SLC9A9: variants seen among roughly 807,000 people sequenced by gnomAD.
The protein encoded by SLC9A9 is sodium/hydrogen exchanger 9.
Under a neutral mutation model 77.8 loss-of-function variants are expected in SLC9A9, and 62 were observed. The ratio of observed to expected loss-of-function variants is 0.80; its 90% confidence interval spans 0.65 to 0.98. SLC9A9 has a LOEUF of 0.98. Among genes scored for constraint, SLC9A9 ranks in the 50% least tolerant of loss-of-function variants. The pLI, the probability that SLC9A9 is intolerant of heterozygous loss-of-function variation, is 0.00. For synonymous variants in SLC9A9, 320 were observed against 283.5 expected, an observed-to-expected ratio of 1.13 and a Z score of -1.29; for missense variants, 775 against 774.9, an observed-to-expected ratio of 1.00 and a Z score of 0.00.
At chr3:143,790,637 T>C (rs1444652571) in intron 4 of SLC9A9, among the ~76,000 whole-genome samples, 1 of 152,208 alleles carries the variant, frequency 6.6e-6, no homozygotes, top group Non-Finnish European at 1.5e-5. Flanking sequence ...TACCACTTAC[T>C]GTATAATCTT....
At position 143,597,122 on chromosome 3, in the gene SLC9A9, G is replaced by A. The variant is rs570321368; in HGVS notation, c.756-18399C>T. ...ATGTGCTTTGGTTAAGGAAAAGGCCGAGGCGGATATCCAGGCGAGTATGAG... is the reference window on the plus strand; with the variant it reads ...ATGTGCTTTGGTTAAGGAAAAGGCCAAGGCGGATATCCAGGCGAGTATGAG... On this transcript the variant is annotated intron_variant, in intron 6 of 15. Transcript: ENST00000316549. Among the ~76,000 whole-genome samples the A allele has an allele frequency of 8.5e-5, 13 of 152,320 alleles. No individual in the cohort carries two copies. In the South Asian group the frequency reaches 2.5e-3, roughly 29 times the overall value.
intron 1 of SLC9A9, among the ~76,000 whole-genome samples, chr3:143,846,985 A>G (rs2009844142): frequency 6.6e-6 from 1 of 152,160 alleles, no homozygotes; most frequent in Non-Finnish European, 1.5e-5. Context: ...ATGGATCAGC[A>G]TATCAGCCTC....
intron 9 of SLC9A9, among the ~76,000 whole-genome samples, chr3:143,497,970 T>C (rs181515560): frequency 6.6e-6 from 1 of 152,316 alleles, no homozygotes; most frequent in Non-Finnish European, 1.5e-5. Flanking sequence ...TGATTTTTTC[T>C]ATTTGTTATT....
chr3:143,778,945 A>G (rs2007783597), intron 4 of SLC9A9, among the ~76,000 whole-genome samples: 1 of 152,190 alleles, frequency 6.6e-6, no homozygotes, highest in African/African-American at 2.4e-5. Context: ...CAATTCTCCA[A>G]ACTTCTGTGA....
intron 4 of SLC9A9, among the ~76,000 whole-genome samples, chr3:143,708,708 A>G (rs1398334605): frequency 6.6e-6 from 1 of 152,196 alleles, no homozygotes; most frequent in Non-Finnish European, 1.5e-5. Context: ...GACTAATTTG[A>G]GAGACAACAC....
chr3:143,283,402 T>C (rs557547147), intron 14 of SLC9A9, among the ~76,000 whole-genome samples: 1 of 152,170 alleles, frequency 6.6e-6, no homozygotes, highest in African/African-American at 2.4e-5. Flanking sequence ...GCCCTTATAC[T>C]TTCCTGTATA....
At chr3:143,801,144 T>C (rs1179346515) in intron 2 of SLC9A9, among the ~76,000 whole-genome samples, 1 of 152,108 alleles carries the variant, frequency 6.6e-6, no homozygotes, top group African/African-American at 2.4e-5. Context: ...TAGAGACTGC[T>C]CCCACACTAG....
chr3:143,817,441 C>T (rs1275734896), intron 2 of SLC9A9, among the ~76,000 whole-genome samples: 2 of 152,112 alleles, frequency 1.3e-5, no homozygotes, highest in Non-Finnish European at 2.9e-5. Flanking sequence ...AGCCACCGCG[C>T]CCGGCCAAAA....
At chr3:143,761,783 C>T (rs545356940) in intron 4 of SLC9A9, among the ~76,000 whole-genome samples, 98 of 152,278 alleles carry the variant, frequency 6.4e-4, no homozygotes, top group Non-Finnish European at 1.0e-3. Flanking sequence ...AACAGTGTGG[C>T]GATTCCTCAA....
intron 14 of SLC9A9, among the ~76,000 whole-genome samples, chr3:143,296,290 C>G (rs552097940): frequency 6.6e-6 from 1 of 152,204 alleles, no homozygotes; most frequent in Admixed American, 6.5e-5. Context: ...ATTTTGGATA[C>G]CTCATGTAAG....
In SLC9A9 at chr3:143,467,124, A is replaced by G. The variant is rs776468028; in HGVS notation, c.1382T>C (p.Met461Thr). The change falls in exon 12 of 16, where the codon ATG becomes ACG. Residue 461 changes from methionine (M) to threonine (T), a missense_variant. Coordinates refer to ENST00000316549, the MANE Select transcript of SLC9A9 (RefSeq NM_173653.4). ...CACGAGGAGCAGCGTAGTGGTAAAC[A>G]TCATTTGTTTGGGCTGAGATTCTGT... Reference protein sequence around the residue: ...RNTESQPKQMMFTTTLLLVFF... With the variant: ...RNTESQPKQMTFTTTLLLVFF... The G allele has an allele frequency of 1.2e-6, 2 of 1,614,192 alleles. No individual in the cohort carries two copies. Among genetic ancestry groups the G allele is most frequent in the South Asian group, 2.2e-5 (2 of 91,082 alleles).
intron 12 of SLC9A9, among the ~76,000 whole-genome samples, chr3:143,386,822 G>T (rs2033437457): frequency 6.6e-6 from 1 of 152,026 alleles, no homozygotes; most frequent in Non-Finnish European, 1.5e-5. Flanking sequence ...AAGTTTCCCA[G>T]GTTTTGATTT....
intron 14 of SLC9A9, among the ~76,000 whole-genome samples, chr3:143,298,752 G>C (rs1227990951): frequency 1.3e-5 from 2 of 152,152 alleles, no homozygotes; most frequent in South Asian, 4.1e-4. Context: ...TATTGAGTTA[G>C]GCATCCCTGG....
intron 12 of SLC9A9, among the ~76,000 whole-genome samples, chr3:143,390,909 G>A (rs563907919): frequency 6.6e-6 from 1 of 152,334 alleles, no homozygotes; most frequent in Admixed American, 6.5e-5. Flanking sequence ...GGGGAGGGGT[G>A]CCCACCATTG....
At chr3:143,763,248 A>G (rs564219133) in intron 4 of SLC9A9, among the ~76,000 whole-genome samples, 2 of 152,270 alleles carry the variant, frequency 1.3e-5, no homozygotes, top group African/African-American at 2.4e-5. Flanking sequence ...ATGAGAGTCA[A>G]CCCACAATGG....
At position 143,341,780 on chromosome 3, in the gene SLC9A9, G is replaced by C. The variant is rs115170806; in HGVS notation, c.1604+21704C>G. Among the ~76,000 whole-genome samples the C allele has an allele frequency of 8.6e-3, 1,314 of 152,266 alleles. 16 individuals carry two copies. The highest frequency in any genetic ancestry group is 0.029 in the African/African-American group (1,211 of 41,544). ...AATTTATTGTAATACTTAATATTAT[G>C]ATAAGACCGTTAATTTATCATATTT... On this transcript the variant is annotated intron_variant, in intron 14 of 15. Transcript: ENST00000316549.
chr3:143,640,300 C>T (rs1336995715), intron 6 of SLC9A9, among the ~76,000 whole-genome samples: 6 of 152,060 alleles, frequency 3.9e-5, no homozygotes, highest in African/African-American at 1.2e-4. Context: ...GGATTACAGG[C>T]GTGAGCCACC....
intron 4 of SLC9A9, among the ~76,000 whole-genome samples, chr3:143,704,379 C>T (rs1277785660): frequency 2.6e-5 from 4 of 152,058 alleles, no homozygotes; most frequent in African/African-American, 7.2e-5. Context: ...TTCATCATGA[C>T]GAAGTGGAAT....
intron 14 of SLC9A9, among the ~76,000 whole-genome samples, chr3:143,318,751 C>G (rs933992874): frequency 6.6e-6 from 1 of 152,122 alleles, no homozygotes; most frequent in Non-Finnish European, 1.5e-5. Flanking sequence ...GGTATAAGAC[C>G]CCCTGTCTAC....
Sources: gnomAD v4.1 joint callset for allele counts (sites outside exome capture counted in the v4.1 genomes callset) on GRCh38, gnomAD v4.1.1 for gene constraint, MANE v1.5 for transcripts, NCBI Gene and HGNC (gene_info 2026-07-23, HGNC 2026-07-21) for gene names.